AXDND1: variants seen among roughly 807,000 people sequenced by gnomAD.
AXDND1 encodes the protein axonemal dynein light chain domain containing 1, also known as axonemal dynein light chain domain-containing protein 1.
AXDND1 carries 110 observed loss-of-function variants against 137.5 expected under a neutral mutation model. The ratio of observed to expected loss-of-function variants is 0.80; its 90% CI spans 0.69 to 0.94. The LOEUF (loss-of-function observed/expected upper bound fraction) is 0.94, where lower values mean the gene tolerates loss of function less well. Among genes scored for constraint, AXDND1 ranks in the 40% least tolerant of loss-of-function variants. The pLI is 0.00. For missense variants in AXDND1, 1,191 were observed against 1,169.8 expected (o/e 1.02, Z -0.26); for synonymous variants, 414 against 399.7 (o/e 1.04, Z -0.43).
intron 12 of AXDND1, among the ~76,000 whole-genome samples, chr1:179,416,758 AC>A (rs1654767706): frequency 6.6e-6 from 1 of 152,164 alleles, no homozygotes; most frequent in South Asian, 2.1e-4. Flanking sequence ...AAACAAGCAT[AC>A]CCTTTCTTTA....
intron 16 of AXDND1, among the ~76,000 whole-genome samples, chr1:179,467,023 G>A (rs1418837215): frequency 6.6e-6 from 1 of 152,050 alleles, no homozygotes; most frequent in Admixed American, 6.6e-5. Context: ...CTACTCCTTA[G>A]CAAATTCTGT....
At chr1:179,398,210 T>A (rs960957219) in intron 11 of AXDND1, among the ~76,000 whole-genome samples, 10 of 152,192 alleles carry the variant, frequency 6.6e-5, no homozygotes, top group Non-Finnish European at 1.3e-4. Context: ...GATTGTGGTA[T>A]AAAATGGATT....
intron 19 of AXDND1, 110 bp downstream of exon 19, chr1:179,491,847 A>T: frequency 1.0e-6 from 1 of 977,510 alleles, no homozygotes; most frequent in Non-Finnish European, 1.5e-6. Context: ...CTTGAAAGAA[A>T]TACTAGTTCA....
intron 11 of AXDND1, among the ~76,000 whole-genome samples, chr1:179,401,503 C>T (rs1652048722): frequency 6.6e-6 from 1 of 152,034 alleles, no homozygotes; most frequent in Admixed American, 6.6e-5. Flanking sequence ...TCAAGAAAAA[C>T]CAAATGTACC....
At chr1:179,429,740 T>A (rs4652383) in intron 13 of AXDND1, 121 bp downstream of exon 13, 150,322 of 494,296 alleles carry the variant, frequency 0.3, 23,543 homozygotes, top group Non-Finnish European at 0.32. Flanking sequence ...TAGTGCTTAT[T>A]GTACAGAATG....
At chr1:179,428,466 T>G (rs746567236) in intron 12 of AXDND1, among the ~76,000 whole-genome samples, 7 of 152,272 alleles carry the variant, frequency 4.6e-5, no homozygotes, top group Non-Finnish European at 8.8e-5. Context: ...GAACAGTATT[T>G]CATTAAATGA....
chr1:179,461,090 C>T lies in AXDND1; in HGVS notation c.1799-7353C>T, dbSNP rs1001647079. 3.0e-4 allele frequency among the ~76,000 whole-genome samples: 45 copies of T among 152,042 alleles called. 1 individual carries two copies. The highest frequency in any genetic ancestry group is 3.2e-3 in the Middle Eastern group (1 of 316). ...ATTTGTCAATTTTGGCTTTTGTTGC[C>T]ATTGCTTTTGGTGTTTTAGTCATGA... On this transcript the variant is annotated intron_variant, in intron 16 of 25. Coordinates refer to ENST00000367618, the MANE Select transcript of AXDND1 (RefSeq NM_144696.6).
intron 25 of AXDND1, among the ~76,000 whole-genome samples, chr1:179,554,268 G>GA (rs1038906001): frequency 3.4e-4 from 51 of 152,106 alleles, no homozygotes; most frequent in Middle Eastern, 6.8e-3. Context: ...GATTCATAGA[G>GA]AAAAAAATAA....
At chr1:179,474,005 C>T (rs1257724324) in intron 17 of AXDND1, among the ~76,000 whole-genome samples, 2 of 152,138 alleles carry the variant, frequency 1.3e-5, no homozygotes, top group African/African-American at 4.8e-5. Flanking sequence ...GGGCGGATCA[C>T]CTGAGGTCAG....
intron 12 of AXDND1, among the ~76,000 whole-genome samples, chr1:179,417,882 A>T (rs1279401218): frequency 1.3e-5 from 2 of 151,864 alleles, no homozygotes; most frequent in African/African-American, 4.8e-5. Context: ...CTTTTTTTTA[A>T]TCAGAGTTTT....
At chr1:179,384,764 C>T (rs1648930316) in intron 8 of AXDND1, among the ~76,000 whole-genome samples, 1 of 151,530 alleles carries the variant, frequency 6.6e-6, no homozygotes, top group Non-Finnish European at 1.5e-5. Flanking sequence ...TAAAGAGGCA[C>T]CAATTTTTTT....
intron 20 of AXDND1, among the ~76,000 whole-genome samples, chr1:179,503,761 G>T (rs544177713): frequency 6.6e-6 from 1 of 151,714 alleles, no homozygotes; most frequent in Non-Finnish European, 1.5e-5. Flanking sequence ...CTGTGTCCAT[G>T]TGTTCTCATT....
At chr1:179,375,456 GTATAA>G (rs1007715646) in intron 4 of AXDND1, among the ~76,000 whole-genome samples, 9 of 150,530 alleles carry the variant, frequency 6.0e-5, no homozygotes, top group South Asian at 2.1e-4. Context: ...AATATTGTGT[GTATAA>G]TATATGTCTA....
chr1:179,520,156 G>A (rs1318728532), intron 21 of AXDND1, among the ~76,000 whole-genome samples: 3 of 152,096 alleles, frequency 2.0e-5, no homozygotes, highest in Non-Finnish European at 4.4e-5. Flanking sequence ...ATTGTGAATG[G>A]GAGTTCATTT....
At chr1:179,429,185 A>G (rs555998735) in intron 12 of AXDND1, among the ~76,000 whole-genome samples, 20 of 152,024 alleles carry the variant, frequency 1.3e-4, no homozygotes, top group African/African-American at 3.6e-4. Context: ...TCAGAAAAAA[A>G]AATATCTAGT....
intron 12 of AXDND1, among the ~76,000 whole-genome samples, chr1:179,428,296 G>A (rs1218717282): frequency 2.0e-5 from 3 of 152,254 alleles, no homozygotes; most frequent in East Asian, 1.9e-4. Context: ...ATAGTAGAGA[G>A]CTGGCCCCTG....
chr1:179,536,806 A>G lies in AXDND1; in HGVS notation c.3031+1844A>G, dbSNP rs570535206. The stretch of plus-strand genomic sequence containing the variant: ...GAATCTACAAATTACCTTGGGCAGT[A>G]TGGCCATTTTCACGATATTGATTCT... On this transcript the variant is annotated intron_variant, in intron 25 of 25. Transcript: ENST00000367618. 7.9e-5 allele frequency among the ~76,000 whole-genome samples: 12 copies of G among 152,244 alleles called. No homozygotes were observed. The East Asian group carries it at 1.4e-3, about 17-fold the overall frequency.
intron 9 of AXDND1, 90 bp downstream of exon 9, chr1:179,385,449 G>T: frequency 6.9e-7 from 1 of 1,446,284 alleles, no homozygotes; most frequent in Non-Finnish European, 9.7e-7. Flanking sequence ...CCACAAAAGT[G>T]CACTTCTCTA....
In AXDND1 at chr1:179,487,722, G is replaced by A. The variant is rs986199237; in HGVS notation, c.2092-3816G>A. 2.0e-5 allele frequency among the ~76,000 whole-genome samples: 3 copies of A among 148,412 alleles called. 1 individual carries two copies. Among genetic ancestry groups the A allele is most frequent in the African/African-American group, 7.7e-5 (3 of 38,882 alleles). The stretch of plus-strand genomic sequence containing the variant: ...TTCATTTCCATCAATCAGGCCAGGC[G>A]TGATGGCTCATGCCTGTAACTCGAC... On this transcript the variant is annotated intron_variant, in intron 18 of 25. Coordinates refer to ENST00000367618, the MANE Select transcript of AXDND1 (RefSeq NM_144696.6).
Sources: allele counts gnomAD v4.1 joint callset (sites outside exome capture counted in the v4.1 genomes callset), GRCh38; gene constraint gnomAD v4.1.1; transcripts MANE v1.5; gene names NCBI Gene and HGNC (gene_info 2026-07-23, HGNC 2026-07-21).